The following CTNND2 variants were observed in gnomAD, a reference collection of about 807,000 sequenced individuals.
CTNND2 encodes the protein catenin delta 2.
CTNND2 carries 22 observed loss-of-function variants against 144.4 expected under a neutral mutation model. That is an observed-to-expected ratio of 0.15 (90% confidence interval 0.11 to 0.22). The LOEUF (loss-of-function observed/expected upper bound fraction) is 0.22, where lower values mean the gene tolerates loss of function less well. Among genes scored for constraint, CTNND2 ranks in the 10% least tolerant of loss-of-function variants. The probability of loss-of-function intolerance (pLI) is 1.00; values close to 1 mark genes in which losing one functional copy is unlikely to be tolerated. For missense variants in CTNND2, 1,353 were observed against 1,618.8 expected (o/e 0.84, Z 2.82); for synonymous variants, 751 against 695.6 (o/e 1.08, Z -1.25).
At chr5:11,482,496 G>A (rs6883246) in intron 3 of CTNND2, among the ~76,000 whole-genome samples, 6,830 of 152,162 alleles carry the variant, frequency 0.045, 508 homozygotes, top group African/African-American at 0.15. Context: ...ATGAAGTAGT[G>A]AATAAAAACA....
chr5:11,363,275 A>G (rs1756646434), intron 8 of CTNND2, among the ~76,000 whole-genome samples: 1 of 152,202 alleles, frequency 6.6e-6, no homozygotes, highest in African/African-American at 2.4e-5. Context: ...TTTTCATTAA[A>G]TTCCTGGAAG....
intron 1 of CTNND2, among the ~76,000 whole-genome samples, chr5:11,882,454 A>C (rs1412895177): frequency 6.6e-6 from 1 of 152,020 alleles, no homozygotes; most frequent in African/African-American, 2.4e-5. Context: ...AAGGATAATA[A>C]ATAATAAGGG....
intron 7 of CTNND2, among the ~76,000 whole-genome samples, chr5:11,377,924 T>C (rs1758097795): frequency 6.6e-6 from 1 of 152,198 alleles, no homozygotes; most frequent in Admixed American, 6.5e-5. Context: ...TTCTGTTGAG[T>C]TCTGGACCCG....
At chr5:11,420,055 T>C (rs1466715109) in intron 3 of CTNND2, among the ~76,000 whole-genome samples, 7 of 152,200 alleles carry the variant, frequency 4.6e-5, no homozygotes, top group Admixed American at 4.6e-4. Context: ...CCAGGCGTGG[T>C]GGCTCACACC....
chr5:10,985,327 G>T (rs1410571738), intron 20 of CTNND2, among the ~76,000 whole-genome samples: 2 of 152,184 alleles, frequency 1.3e-5, no homozygotes, highest in African/African-American at 4.8e-5. Context: ...ATGGAAGCCG[G>T]CATGCCTGAA....
intron 3 of CTNND2, among the ~76,000 whole-genome samples, chr5:11,532,847 C>G (rs956286992): frequency 6.6e-6 from 1 of 152,014 alleles, no homozygotes; most frequent in Non-Finnish European, 1.5e-5. Context: ...TCCTATGGCC[C>G]CCAGAAAAGG....
chr5:11,131,984 A>G (rs1211194602), intron 12 of CTNND2, among the ~76,000 whole-genome samples: 1 of 152,122 alleles, frequency 6.6e-6, no homozygotes, highest in Non-Finnish European at 1.5e-5. Flanking sequence ...CTTGAGGTCT[A>G]TTTCTTGTTT....
intron 9 of CTNND2, among the ~76,000 whole-genome samples, chr5:11,255,648 A>G (rs1470766217): frequency 6.6e-6 from 1 of 152,336 alleles, no homozygotes; most frequent in East Asian, 1.9e-4. Flanking sequence ...AGGAAGGCAC[A>G]GGCACGGTTA....
chr5:11,336,649 T>C (rs1454486191), intron 9 of CTNND2, among the ~76,000 whole-genome samples: 1 of 152,226 alleles, frequency 6.6e-6, no homozygotes, highest in Non-Finnish European at 1.5e-5. Context: ...ATGGATTACA[T>C]GTATATATAA....
At chr5:11,234,788 G>A (rs905682100) in intron 10 of CTNND2, among the ~76,000 whole-genome samples, 3 of 152,166 alleles carry the variant, frequency 2.0e-5, no homozygotes, top group Non-Finnish European at 4.4e-5. Context: ...ATCTCTTGAT[G>A]TTTGACTTCT....
At chr5:11,254,886 A>T in intron 9 of CTNND2, among the ~76,000 whole-genome samples, 1 of 152,190 alleles carries the variant, frequency 6.6e-6, no homozygotes, top group East Asian at 1.9e-4. Context: ...TTGATAGCCC[A>T]GAACATAAAC....
chr5:11,847,905 T>C (rs1361157332), intron 1 of CTNND2, among the ~76,000 whole-genome samples: 1 of 152,124 alleles, frequency 6.6e-6, no homozygotes, highest in Non-Finnish European at 1.5e-5. Flanking sequence ...GTGAATTACA[T>C]TGTCAAGTGT....
At chr5:11,710,272 G>A (rs976052235) in intron 2 of CTNND2, among the ~76,000 whole-genome samples, 4 of 152,148 alleles carry the variant, frequency 2.6e-5, no homozygotes, top group African/African-American at 7.2e-5. Flanking sequence ...GCTGGGTGCC[G>A]TGGCTCACAT....
chr5:11,211,925 T>G (rs970416509), intron 10 of CTNND2, among the ~76,000 whole-genome samples: 1 of 152,270 alleles, frequency 6.6e-6, no homozygotes, highest in South Asian at 2.1e-4. Context: ...TATTTTAATT[T>G]TAAATTAAAA....
At chr5:11,733,718 G>T (rs1464309717) in intron 1 of CTNND2, among the ~76,000 whole-genome samples, 1 of 152,164 alleles carries the variant, frequency 6.6e-6, no homozygotes, top group Non-Finnish European at 1.5e-5. Flanking sequence ...AAACTGGCAA[G>T]GCCATTTGCC....
chr5:11,874,119 T>C (rs1242740356), intron 1 of CTNND2, among the ~76,000 whole-genome samples: 2 of 152,186 alleles, frequency 1.3e-5, no homozygotes, highest in Non-Finnish European at 2.9e-5. Flanking sequence ...TAAACATGCA[T>C]TGAAGTCCCA....
chr5:11,598,897 T>C (rs1323662951), intron 2 of CTNND2, among the ~76,000 whole-genome samples: 1 of 151,970 alleles, frequency 6.6e-6, no homozygotes, highest in Non-Finnish European at 1.5e-5. Flanking sequence ...AAAAAAAAGA[T>C]GATTAATGGA....
At chr5:11,877,628 T>C (rs1052513894) in intron 1 of CTNND2, among the ~76,000 whole-genome samples, 2 of 152,134 alleles carry the variant, frequency 1.3e-5, no homozygotes, top group Non-Finnish European at 2.9e-5. Flanking sequence ...GAAGCTTTCA[T>C]TTCATATTAC....
chr5:11,449,823 T>A (rs1308809924), intron 3 of CTNND2, among the ~76,000 whole-genome samples: 1 of 152,232 alleles, frequency 6.6e-6, no homozygotes, highest in Admixed American at 6.5e-5. Context: ...TTGACTGCTG[T>A]ACTCACAGTA....
Sources: gnomAD v4.1 joint callset for allele counts (sites outside exome capture counted in the v4.1 genomes callset) on GRCh38, gnomAD v4.1.1 for gene constraint, MANE v1.5 for transcripts, NCBI Gene and HGNC (gene_info 2026-07-23, HGNC 2026-07-21) for gene names.